The following FOXD2 variants were observed in gnomAD, a reference collection of about 807,000 sequenced individuals.
The protein encoded by FOXD2 is forkhead box protein D2.
In FOXD2, 4 loss-of-function variants were observed where a neutral mutation model predicts 6.4. The ratio of observed to expected loss-of-function variants is 0.62; its 90% CI spans 0.31 to 1.42. FOXD2 has a LOEUF of 1.42. FOXD2 is among the 40% of genes most tolerant of loss of function. The pLI, the probability that FOXD2 is intolerant of heterozygous loss-of-function variation, is 0.08. For synonymous variants in FOXD2, 393 were observed against 373.6 expected (o/e 1.05, Z -0.60); for missense variants, 709 against 766.8 (o/e 0.92, Z 0.89).
At position 47,438,479 on chromosome 1, in the gene FOXD2, C is replaced by T. The variant is rs1317446809; in HGVS notation, c.344C>T (p.Pro115Leu). Residue 115 changes from proline (P) to leucine (L), a missense_variant, in exon 1 of 1, where the codon CCG (proline) becomes CTG (leucine). Coordinates refer to ENST00000334793, the MANE Select transcript of FOXD2 (RefSeq NM_004474.4). ...RGAAGPGPGP[P>L]SGGAATRSPL... ...GCAGCGGGGCCCGGGCCGGGACCGCCGTCGGGGGGCGCGGCGACGCGGAGC... is the reference window on the plus strand; with the variant it reads ...GCAGCGGGGCCCGGGCCGGGACCGCTGTCGGGGGGCGCGGCGACGCGGAGC... The T allele has an allele frequency of 1.9e-6, 3 of 1,558,304 alleles. No individual in the cohort carries two copies. Among genetic ancestry groups the T allele is most frequent in the Non-Finnish European group, 1.7e-6 (2 of 1,153,058 alleles).
In FOXD2 at chr1:47,439,578, C is replaced by G; in HGVS notation, c.1443C>G (p.Ser481=). 6.4e-7 allele frequency: 1 copy of G among 1,558,344 alleles called. No homozygotes were observed. Among genetic ancestry groups the G allele is most frequent in the Non-Finnish European group, 8.7e-7 (1 of 1,151,788 alleles). ...GGGACGCGCTGCTGTCCTCAGGGTC[C>G]CGGTTTGCCAGCAAAGTCGCCGGCC... ...HPGDALLSSG[S]RFASKVAGLS... Residue 481 remains serine (S), a synonymous_variant, in exon 1 of 1, where the codon TCC becomes TCG. Transcript: ENST00000334793.
chr1:47,439,218 C>T lies in FOXD2; in HGVS notation c.1083C>T (p.Gly361=). 6.8e-7 allele frequency: 1 copy of T among 1,478,360 alleles called. No homozygotes were observed. The highest frequency in any genetic ancestry group is 8.9e-7 in the Non-Finnish European group (1 of 1,126,520). The allele number at this position is 1,478,360 out of a possible 1,614,324, so 91.6% of individuals were successfully genotyped here. Residue 361 remains glycine, a synonymous_variant, in exon 1 of 1, where the codon GGC becomes GGT. Coordinates refer to ENST00000334793, the MANE Select transcript of FOXD2 (RefSeq NM_004474.4). ...GLPAFLGAEL[G]CAKAFYAASL... is the part of the protein sequence containing the mutation. ...CCGCCTTCCTGGGCGCGGAGCTGGG[C>T]TGCGCCAAAGCCTTCTACGCGGCGT... is the stretch of plus-strand genomic sequence containing the variant.
chr1:47,438,988 G>A lies in FOXD2; in HGVS notation c.853G>A (p.Ala285Thr). ...PAYGAPPPGP[A>T]PHPHPHPHAF... is the part of the protein sequence containing the mutation. ...CTACGGCGCACCCCCGCCGGGGCCG[G>A]CCCCGCATCCGCACCCGCACCCGCA... is the stretch of plus-strand genomic sequence containing the variant. The change falls in exon 1 of 1, where the codon GCC becomes ACC. Residue 285 changes from alanine (A) to threonine (T), a missense_variant. Around this residue, in one of 5 missense-constraint regions of FOXD2, gnomAD observed 98 missense variants for 91.0 expected, o/e 1.08. Transcript: ENST00000334793. 1 of 1,168,764 alleles carries A rather than the reference G, an allele frequency of 8.6e-7. No homozygotes were observed. Among genetic ancestry groups the A allele is most frequent in the Non-Finnish European group, 1.1e-6 (1 of 912,146 alleles). The allele number at this position is 1,168,764 out of a possible 1,614,324, so 72.4% of individuals were successfully genotyped here.
Position 47,438,310 on chromosome 1 carries a change from C to T in FOXD2, c.175C>T (p.Pro59Ser). 7.7e-7 allele frequency: 1 copy of T among 1,303,326 alleles called. No homozygotes were observed. The highest frequency in any genetic ancestry group is 9.8e-7 in the Non-Finnish European group (1 of 1,025,386). The allele number at this position is 1,303,326 out of a possible 1,614,324, so 80.7% of individuals were successfully genotyped here. A position where few individuals can be genotyped will look rare whatever the true frequency, so the allele number is the denominator to read the frequency against. ...RDVLPHGHEP[P>S]AEEAEADLAE... is the part of the protein sequence containing the mutation. ...CGTGCTCCCCCACGGCCACGAGCCT[C>T]CCGCGGAGGAAGCCGAGGCAGACTT... is the stretch of plus-strand genomic sequence containing the variant. The change falls in exon 1 of 1, where the codon CCC (proline) becomes TCC (serine). Residue 59 changes from proline (P) to serine (S), a missense_variant. Pro to Ser is a moderately conservative substitution (Grantham distance 74). This residue lies in a region of FOXD2 where 220 missense variants were observed against 199.2 expected (regional missense o/e 1.10). Coordinates refer to ENST00000334793, the MANE Select transcript of FOXD2 (RefSeq NM_004474.4).
Position 47,438,247 on chromosome 1 carries a change from G to T in FOXD2, c.112G>T (p.Glu38Ter), listed in dbSNP as rs1646985295. ...GGTGGGCGGCGGCAGCGGCGGGGGGGAGCTCCCAGCTCGCTCCGGGCCCCG... is the reference window on the plus strand; with the variant it reads ...GGTGGGCGGCGGCAGCGGCGGGGGGTAGCTCCCAGCTCGCTCCGGGCCCCG... ...DVVGGGSGGG[E>*]LPARSGPRAP... is the part of the protein sequence containing the mutation. The change falls in exon 1 of 1, where the codon GAG becomes TAG. Residue 38 changes from glutamate to a stop codon, truncating the protein, a stop_gained. Transcript: ENST00000334793. LOFTEE classifies it low-confidence loss of function (END_TRUNC). The T allele has an allele frequency of 1.4e-6, 2 of 1,388,642 alleles. No individual in the cohort carries two copies. Among genetic ancestry groups the T allele is most frequent in the Non-Finnish European group, 1.9e-6 (2 of 1,075,792 alleles). The allele number at this position is 1,388,642 out of a possible 1,614,324, so 86.0% of individuals were successfully genotyped here.
chr1:47,438,701 C>T lies in FOXD2; in HGVS notation c.566C>T (p.Pro189Leu). The T allele has an allele frequency of 6.2e-7, 1 of 1,614,006 alleles. No homozygotes were observed. The highest frequency in any genetic ancestry group is 8.5e-7 in the Non-Finnish European group (1 of 1,179,962). Residue 189 changes from proline to leucine, a missense_variant, in exon 1 of 1, where the codon CCC becomes CTC. Coordinates refer to ENST00000334793, the MANE Select transcript of FOXD2 (RefSeq NM_004474.4). ...CTCAACGACTGCTTCGTCAAGATCC[C>T]CCGCGAGCCGGGCAACCCGGGCAAG... ...LSLNDCFVKIPREPGNPGKGN... is the reference protein window; with the variant it reads ...LSLNDCFVKILREPGNPGKGN...
In FOXD2 at chr1:47,438,364, T is replaced by G; in HGVS notation, c.229T>G (p.Cys77Gly). The part of the protein sequence containing the change: ...LAEDEEESGG[C>G]SDGEPRALAS... Reference sequence around the variant, plus strand: ...CGAGGACGAGGAGGAGTCTGGTGGCTGCTCGGACGGCGAGCCCCGCGCTCT... The same window carrying G: ...CGAGGACGAGGAGGAGTCTGGTGGCGGCTCGGACGGCGAGCCCCGCGCTCT... The change falls in exon 1 of 1, where the codon TGC (cysteine) becomes GGC (glycine). Residue 77 changes from cysteine to glycine, a missense_variant. By Grantham distance (159) the Cys-to-Gly change is radical. Transcript: ENST00000334793. The G allele has an allele frequency of 4.9e-6, 6 of 1,234,724 alleles. No individual in the cohort carries two copies. The highest frequency in any genetic ancestry group is 6.1e-6 in the Non-Finnish European group (6 of 988,420). The allele number at this position is 1,234,724 out of a possible 1,614,324, so 76.5% of individuals were successfully genotyped here.
Position 47,438,453 on chromosome 1 carries a change from C to G in FOXD2, c.318C>G (p.Gly106=). ...SPGPGAAAAR[G]AAGPGPGPPS... ...GGCCAGGCGCCGCGGCGGCCCGCGG[C>G]GCAGCGGGGCCCGGGCCGGGACCGC... Residue 106 remains glycine, a synonymous_variant, in exon 1 of 1, where the codon GGC becomes GGG. Transcript: ENST00000334793. The G allele has an allele frequency of 8.3e-7, 1 of 1,202,640 alleles. No individual in the cohort carries two copies. Among genetic ancestry groups the G allele is most frequent in the Non-Finnish European group, 1.0e-6 (1 of 954,534 alleles). 74.5% of individuals were successfully genotyped at this position (1,202,640 alleles called of 1,614,324 possible).
Position 47,439,910 on chromosome 1 carries a change from C to G in FOXD2, c.*287C>G. 2.4e-6 allele frequency: 1 copy of G among 418,072 alleles called. No homozygotes were observed. 25.9% of individuals were successfully genotyped at this position (418,072 alleles called of 1,614,324 possible). ...GGGGGTGGGGGCTTCGTTTTTTTCC[C>G]TGCCTCTGCGCCTCTCGGGGAACAC... On this transcript the variant is annotated 3_prime_UTR_variant, in exon 1 of 1. Transcript: ENST00000334793.
Position 47,439,230 on chromosome 1 carries a change from C to T in FOXD2, c.1095C>T (p.Ala365=). The T allele has an allele frequency of 1.3e-6, 2 of 1,494,674 alleles. No homozygotes were observed. The highest frequency in any genetic ancestry group is 1.8e-6 in the Non-Finnish European group (2 of 1,133,980). The allele number at this position is 1,494,674 out of a possible 1,614,324, so 92.6% of individuals were successfully genotyped here. A position where few individuals can be genotyped will look rare whatever the true frequency, so the allele number is the denominator to read the frequency against. ...GCGCGGAGCTGGGCTGCGCCAAAGCCTTCTACGCGGCGTCCCTGAGTCCTC... is the reference window on the plus strand; with the variant it reads ...GCGCGGAGCTGGGCTGCGCCAAAGCTTTCTACGCGGCGTCCCTGAGTCCTC... ...FLGAELGCAK[A]FYAASLSPPA... The change falls in exon 1 of 1, where the codon GCC becomes GCT. Residue 365 remains alanine, a synonymous_variant. Coordinates refer to ENST00000334793, the MANE Select transcript of FOXD2 (RefSeq NM_004474.4).
rs1212670714 is a variant in FOXD2, at chr1:47,440,058, T to G, written c.*435T>G. ...CGTTGAGACCCTGCTTGTCCAATAT[T>G]ATAATTTAAAGACATCTATTATCTG... On this transcript the variant is annotated 3_prime_UTR_variant, in exon 1 of 1. Transcript: ENST00000334793. The G allele has an allele frequency of 5.6e-6, 1 of 177,074 alleles. No individual in the cohort carries two copies. The highest frequency in any genetic ancestry group is 6.5e-5 in the Admixed American group (1 of 15,444). The allele number at this position is 177,074 out of a possible 1,614,324, so 11.0% of individuals were successfully genotyped here.
rs1207625776 is a variant in FOXD2 at position 47,439,794 on chromosome 1, T to C, written c.*171T>C. On this transcript the variant is annotated 3_prime_UTR_variant, in exon 1 of 1. Transcript: ENST00000334793. The stretch of plus-strand genomic sequence containing the variant: ...ACAGAATCTCGCAGATAGTTGGGAC[T>C]AAGCGGGCTCTATCGCTCAGGGCGA... 2.6e-5 allele frequency: 16 copies of C among 624,510 alleles called. No homozygotes were observed. The Admixed American group carries it at 5.4e-4, about 21-fold the overall frequency. 38.7% of individuals were successfully genotyped at this position (624,510 alleles called of 1,614,324 possible). A position where few individuals can be genotyped will look rare whatever the true frequency, so the allele number is the denominator to read the frequency against.
Position 47,439,338 on chromosome 1 carries a change from CG to C in FOXD2, c.1208del (p.Gly403AlafsTer12). The C allele has an allele frequency of 2.7e-6, 4 of 1,483,848 alleles. No individual in the cohort carries two copies. The highest frequency in any genetic ancestry group is 3.5e-6 in the Non-Finnish European group (4 of 1,130,832). The allele number at this position is 1,483,848 out of a possible 1,614,324, so 91.9% of individuals were successfully genotyped here. A position where few individuals can be genotyped will look rare whatever the true frequency, so the allele number is the denominator to read the frequency against. The stretch of plus-strand genomic sequence containing the variant: ...CGGACGCGGGCGGTGGTGCAGGCGG[CG>C]GGGGCGCCGGGGCAGGGCAGAGGCC... Reference protein sequence around the residue: ...KTDAGGGAGGGGAGAGQRPSF... With the variant: ...KTDAGGGAGGXGAGAGQRPSF... On this transcript the variant is annotated frameshift_variant, in exon 1 of 1. Transcript: ENST00000334793. LOFTEE classifies it high-confidence loss of function.
Position 47,438,083 on chromosome 1 carries a change from G to C in FOXD2, c.-53G>C, listed in dbSNP as rs1014025667. 6 of 1,323,602 alleles carry C rather than the reference G, an allele frequency of 4.5e-6. No individual in the cohort carries two copies. Among genetic ancestry groups the C allele is most frequent in the East Asian group, 3.1e-5 (1 of 32,058 alleles). The allele number at this position is 1,323,602 out of a possible 1,614,324, so 82.0% of individuals were successfully genotyped here. A position where few individuals can be genotyped will look rare whatever the true frequency, so the allele number is the denominator to read the frequency against. ...CCCCAGAGGCAGCGCGGCCGAGCCC[G>C]AGCCGCTGCCGGAGCGGAGCCGGAG... On this transcript the variant is annotated 5_prime_UTR_variant, in exon 1 of 1. Coordinates refer to ENST00000334793, the MANE Select transcript of FOXD2 (RefSeq NM_004474.4).
Position 47,439,630 on chromosome 1 carries a change from C to T in FOXD2, c.*7C>T, listed in dbSNP as rs753610600. On this transcript the variant is annotated 3_prime_UTR_variant, in exon 1 of 1. Coordinates refer to ENST00000334793, the MANE Select transcript of FOXD2 (RefSeq NM_004474.4). ...TAGTGGCTGCCACTTCTGACCGCAG[C>T]AGGCCCAGGGCCGGTTAGGTCCGCA... 7.7e-6 allele frequency: 12 copies of T among 1,548,798 alleles called. No homozygotes were observed. The highest frequency in any genetic ancestry group is 1.0e-5 in the Non-Finnish European group (12 of 1,146,820).
chr1:47,438,619 C>A lies in FOXD2; in HGVS notation c.484C>A (p.Pro162Thr). The A allele has an allele frequency of 6.2e-7, 1 of 1,613,974 alleles. No homozygotes were observed. The highest frequency in any genetic ancestry group is 8.5e-7 in the Non-Finnish European group (1 of 1,179,956). Reference sequence around the variant, plus strand: ...CTGCGAGTTCATCAGCGGCCGCTTCCCCTACTACCGGGAGAAGTTCCCCGC... The same window carrying A: ...CTGCGAGTTCATCAGCGGCCGCTTCACCTACTACCGGGAGAAGTTCCCCGC... Reference protein sequence around the residue: ...EICEFISGRFPYYREKFPAWQ... With the variant: ...EICEFISGRFTYYREKFPAWQ... The change falls in exon 1 of 1, where the codon CCC (proline) becomes ACC (threonine). Residue 162 changes from proline to threonine, a missense_variant. Pro to Thr is a conservative substitution (Grantham distance 38). Coordinates refer to ENST00000334793, the MANE Select transcript of FOXD2 (RefSeq NM_004474.4).
In FOXD2 at chr1:47,439,275, G is replaced by A. The variant is rs1297808631; in HGVS notation, c.1140G>A (p.Ala380=). 12 of 1,501,714 alleles carry A rather than the reference G, an allele frequency of 8.0e-6. No homozygotes were observed. The highest frequency in any genetic ancestry group is 2.3e-5 in the Admixed American group (1 of 44,192). 93.0% of individuals were successfully genotyped at this position (1,501,714 alleles called of 1,614,324 possible). A position where few individuals can be genotyped will look rare whatever the true frequency, so the allele number is the denominator to read the frequency against. The change falls in exon 1 of 1, where the codon GCG becomes GCA. Residue 380 remains alanine (A), a synonymous_variant. Coordinates refer to ENST00000334793, the MANE Select transcript of FOXD2 (RefSeq NM_004474.4). ...GTCCTCCCGCAGCCGGCACCGCGGC[G>A]GGTCTGCCCACCGCACTTCTGCGCC... ...SLSPPAAGTA[A]GLPTALLRQG... is the part of the protein sequence containing the mutation.
At position 47,438,990 on chromosome 1, in the gene FOXD2, C is replaced by CTCGCAT. The variant is rs1553125539; in HGVS notation, c.855_856insTCGCAT (p.Ala285_Pro286insSerHis). On this transcript the variant is annotated inframe_insertion, in exon 1 of 1. Transcript: ENST00000334793. ...ACGGCGCACCCCCGCCGGGGCCGGC[C>CTCGCAT]CCGCATCCGCACCCGCACCCGCACG... 34 of 865,704 alleles carry CTCGCAT rather than the reference C, an allele frequency of 3.9e-5. No homozygotes were observed. Among genetic ancestry groups the CTCGCAT allele is most frequent in the Non-Finnish European group, 1.2e-5 (8 of 653,686 alleles). The allele number at this position is 865,704 out of a possible 1,614,324, so 53.6% of individuals were successfully genotyped here.
Position 47,438,328 on chromosome 1 carries a change from G to A in FOXD2, c.193G>A (p.Ala65Thr), listed in dbSNP as rs78469326. ...CGAGCCTCCCGCGGAGGAAGCCGAG[G>A]CAGACTTAGCCGAGGACGAGGAGGA... is the stretch of plus-strand genomic sequence containing the variant. Reference protein sequence around the residue: ...GHEPPAEEAEADLAEDEEESG... With the variant: ...GHEPPAEEAETDLAEDEEESG... Residue 65 changes from alanine (A) to threonine (T), a missense_variant, in exon 1 of 1, where the codon GCA becomes ACA. Around this residue, in one of 5 missense-constraint regions of FOXD2, gnomAD observed 220 missense variants for 199.2 expected, o/e 1.10. Transcript: ENST00000334793. 0.065 allele frequency: 84,317 copies of A among 1,292,970 alleles called. 3,772 individuals are homozygous for A. The highest frequency in any genetic ancestry group is 0.21 in the East Asian group (6,703 of 31,770). 80.1% of individuals were successfully genotyped at this position (1,292,970 alleles called of 1,614,324 possible). A position where few individuals can be genotyped will look rare whatever the true frequency, so the allele number is the denominator to read the frequency against.
Sources: gnomAD v4.1 joint callset for allele counts on GRCh38, gnomAD v4.1.1 for gene constraint, gnomAD v4.1.1 regional missense constraint, MANE v1.5 for transcripts, NCBI Gene and HGNC (gene_info 2026-07-23, HGNC 2026-07-21) for gene names.